LRRC20: variants seen among roughly 807,000 people sequenced by gnomAD.
The protein encoded by LRRC20 is leucine rich repeat containing 20.
A neutral mutation model predicts 14.4 loss-of-function variants in LRRC20; 11 were observed. That is an observed-to-expected ratio of 0.77 (90% CI 0.48 to 1.27). LRRC20 has a LOEUF of 1.27. Ranked by LOEUF, LRRC20 falls within the 50% of genes most tolerant of loss-of-function variation. The pLI, the probability that LRRC20 is intolerant of heterozygous loss-of-function variation, is 0.00. For missense variants in LRRC20, 219 were observed against 251.2 expected (o/e 0.87, Z 0.87); for synonymous variants, 121 against 107.3 (o/e 1.13, Z -0.79).
intron 3 of LRRC20, among the ~76,000 whole-genome samples, chr10:70,325,847 G>C (rs1390403300): frequency 1.3e-5 from 2 of 152,048 alleles, no homozygotes; most frequent in Non-Finnish European, 2.9e-5. Flanking sequence ...GTTTGAGTTT[G>C]TCCTTCTGGC....
At chr10:70,317,349 TC>T (rs1564615726) in intron 4 of LRRC20, among the ~76,000 whole-genome samples, 2 of 151,612 alleles carry the variant, frequency 1.3e-5, no homozygotes, top group East Asian at 1.9e-4. Context: ...CTTTCTTTTT[TC>T]CCTCTCTCTT....
intron 3 of LRRC20, among the ~76,000 whole-genome samples, chr10:70,331,763 T>C (rs1842544128): frequency 6.6e-6 from 1 of 151,176 alleles, no homozygotes; most frequent in African/African-American, 2.4e-5. Flanking sequence ...CCCAACGTTG[T>C]ACCCAGCCTG....
chr10:70,307,573 C>A (rs1841474217), intron 4 of LRRC20, among the ~76,000 whole-genome samples: 1 of 152,226 alleles, frequency 6.6e-6, no homozygotes, highest in Non-Finnish European at 1.5e-5. Flanking sequence ...TGGGTCACAG[C>A]ATAGAACAAA....
At chr10:70,304,257 C>A (rs1405427416) in intron 4 of LRRC20, among the ~76,000 whole-genome samples, 1 of 151,982 alleles carries the variant, frequency 6.6e-6, no homozygotes, top group Non-Finnish European at 1.5e-5. Context: ...CGGGGCCAGA[C>A]CTCATCCCAT....
chr10:70,347,379 G>A (rs1477607339), intron 2 of LRRC20, among the ~76,000 whole-genome samples: 1 of 152,034 alleles, frequency 6.6e-6, no homozygotes, highest in East Asian at 1.9e-4. Context: ...AGCCATGCAA[G>A]TTATTTCCAA....
At chr10:70,334,589 GT>G (rs911036072) in intron 3 of LRRC20, among the ~76,000 whole-genome samples, 1 of 152,030 alleles carries the variant, frequency 6.6e-6, no homozygotes, top group Admixed American at 6.6e-5. Context: ...CTGACCACAC[GT>G]GGACAGCAGC....
intron 2 of LRRC20, among the ~76,000 whole-genome samples, chr10:70,366,254 C>T (rs1843997344): frequency 6.6e-6 from 1 of 151,544 alleles, no homozygotes; most frequent in South Asian, 2.1e-4. Flanking sequence ...GAAACCCCGT[C>T]TCTACTAAAA....
At chr10:70,371,582 G>T (rs1844273249) in intron 2 of LRRC20, among the ~76,000 whole-genome samples, 1 of 152,114 alleles carries the variant, frequency 6.6e-6, no homozygotes, top group African/African-American at 2.4e-5. Flanking sequence ...GGAGGGAAGG[G>T]TGGGGTCAGA....
chr10:70,368,704 C>A (rs182277965), intron 2 of LRRC20, among the ~76,000 whole-genome samples: 1 of 151,838 alleles, frequency 6.6e-6, no homozygotes, highest in Non-Finnish European at 1.5e-5. Context: ...CACTGTGCAA[C>A]CTCCGCCTCC....
chr10:70,342,449 T>C (rs1842951471), intron 2 of LRRC20, among the ~76,000 whole-genome samples: 1 of 152,052 alleles, frequency 6.6e-6, no homozygotes, highest in Non-Finnish European at 1.5e-5. Flanking sequence ...TATATATACA[T>C]ATATAATTGT....
intron 2 of LRRC20, 27 bp downstream of exon 2, chr10:70,376,425 G>A: frequency 6.2e-7 from 1 of 1,611,650 alleles, no homozygotes; most frequent in Non-Finnish European, 8.5e-7. Context: ...TTCCAGGGAA[G>A]TTGGGAAAAG....
At chr10:70,364,583 G>C (rs1054722248) in intron 2 of LRRC20, among the ~76,000 whole-genome samples, 1 of 149,954 alleles carries the variant, frequency 6.7e-6, no homozygotes, top group Non-Finnish European at 1.5e-5. Context: ...AGAAGGGAGT[G>C]GAAGCCTTGG....
At chr10:70,304,400 T>C (rs1393190548) in intron 4 of LRRC20, among the ~76,000 whole-genome samples, 1 of 149,978 alleles carries the variant, frequency 6.7e-6, no homozygotes, top group Non-Finnish European at 1.5e-5. Context: ...TAGAACACAC[T>C]AATGGATATT....
chr10:70,301,267 G>A lies in LRRC20; in HGVS notation c.*87C>T. 1 of 1,458,520 alleles carries A rather than the reference G, an allele frequency of 6.9e-7. No individual in the cohort carries two copies. The highest frequency in any genetic ancestry group is 9.1e-7 in the Non-Finnish European group (1 of 1,104,240). 90.3% of individuals were successfully genotyped at this position (1,458,520 alleles called of 1,614,324 possible). A position where few individuals can be genotyped will look rare whatever the true frequency, so the allele number is the denominator to read the frequency against. On this transcript the variant is annotated 3_prime_UTR_variant, in exon 5 of 5. Coordinates refer to ENST00000446961, the MANE Select transcript of LRRC20 (RefSeq NM_001278212.2). ...TCGGCCCACCCGCCCCCAGCCCCCA[G>A]GCTTGGCCTCCCATGGGCCTCCCTC...
At position 70,382,601 on chromosome 10, in the gene LRRC20, C is replaced by G. The variant is rs2137203912; in HGVS notation, c.-116G>C. On this transcript the variant is annotated 5_prime_UTR_variant, in exon 1 of 5. Transcript: ENST00000446961. ...CAGCGCAGTCACGCTCCCTCCGCCG[C>G]CGGCGGCGCCCCAGGCGAGTTCCGA... is the stretch of plus-strand genomic sequence containing the variant. The G allele has an allele frequency of 6.6e-6, 1 of 151,514 alleles. No individual in the cohort carries two copies. Among genetic ancestry groups the G allele is most frequent in the East Asian group, 1.9e-4 (1 of 5,152 alleles). 9.4% of individuals were successfully genotyped at this position (151,514 alleles called of 1,614,324 possible).
At chr10:70,359,368 AC>A (rs1192376945) in intron 2 of LRRC20, among the ~76,000 whole-genome samples, 1 of 152,166 alleles carries the variant, frequency 6.6e-6, no homozygotes, top group African/African-American at 2.4e-5. Flanking sequence ...GCCAGCCTGG[AC>A]AACATAGTGA....
At chr10:70,382,207 G>A (rs1844730949) in intron 1 of LRRC20, among the ~76,000 whole-genome samples, 1 of 152,218 alleles carries the variant, frequency 6.6e-6, no homozygotes, top group African/African-American at 2.4e-5. Flanking sequence ...CTCCAAGCAA[G>A]GGCGCCTCCC....
intron 4 of LRRC20, among the ~76,000 whole-genome samples, chr10:70,310,322 G>C (rs941472380): frequency 2.6e-5 from 4 of 152,182 alleles, no homozygotes; most frequent in African/African-American, 9.7e-5. Context: ...CTGAGGCTTG[G>C]AGAGGTTAAA....
In LRRC20 at chr10:70,370,956, G is replaced by C. The variant is rs555529027; in HGVS notation, c.82+5496C>G. Among the ~76,000 whole-genome samples the C allele has an allele frequency of 9.9e-5, 15 of 152,212 alleles. No homozygotes were observed. In the East Asian group the frequency reaches 2.1e-3, roughly 22 times the overall value. ...GATCACTTGAGCCCAGGAATTCAAG[G>C]CTGCAGGGAACTATGATTGCGCCAC... On this transcript the variant is annotated intron_variant, in intron 2 of 4. Coordinates refer to ENST00000446961, the MANE Select transcript of LRRC20 (RefSeq NM_001278212.2).
Sources: gnomAD v4.1 joint callset for allele counts (sites outside exome capture counted in the v4.1 genomes callset) on GRCh38, gnomAD v4.1.1 for gene constraint, MANE v1.5 for transcripts, NCBI Gene and HGNC (gene_info 2026-07-23, HGNC 2026-07-21) for gene names.